The following SAMD3 variants were observed in gnomAD, a reference collection of about 807,000 sequenced individuals.
The protein encoded by SAMD3 is sterile alpha motif domain-containing protein 3.
A neutral mutation model predicts 58.5 loss-of-function variants in SAMD3; 63 were observed. The ratio of observed to expected loss-of-function variants is 1.08; its 90% CI spans 0.88 to 1.33. The LOEUF is 1.33. SAMD3 is among the 40% of genes most tolerant of loss of function. SAMD3 has a pLI of 0.00. For missense variants in SAMD3, 604 were observed against 608.4 expected, an observed-to-expected ratio of 0.99 and a Z score of 0.08; for synonymous variants, 220 against 210.3, an observed-to-expected ratio of 1.05 and a Z score of -0.40.
At chr6:130,193,411 C>T (rs938056511) in intron 5 of SAMD3, among the ~76,000 whole-genome samples, 8 of 151,940 alleles carry the variant, frequency 5.3e-5, no homozygotes, top group Non-Finnish European at 1.0e-4. Context: ...CGTGCCCTGA[C>T]CTCTTATCTC....
chr6:130,327,011 C>T lies in SAMD3; in HGVS notation c.-303-13918G>A, dbSNP rs193050436. On this transcript the variant is annotated intron_variant, in intron 1 of 13. Coordinates refer to the SAMD3 transcript ENST00000368134. ...GAACAAATAATTCCATTATAATTCACGTGATACTTTTTCTTTTCACAGGAA... is the reference window on the plus strand; with the variant it reads ...GAACAAATAATTCCATTATAATTCATGTGATACTTTTTCTTTTCACAGGAA... Among the ~76,000 whole-genome samples the T allele has an allele frequency of 6.6e-5, 10 of 152,240 alleles. No homozygotes were observed. In the East Asian group the frequency reaches 1.3e-3, roughly 21 times the overall value.
chr6:130,263,418 C>T lies in SAMD3; in HGVS notation c.-187-40605G>A, dbSNP rs577984577. ...TCAAAAGGTGGAAAGAAGAAAAACT[C>T]GAGCCAGCCTCAGAAGGACCCTACC... On this transcript the variant is annotated intron_variant, in intron 2 of 13. Transcript: ENST00000368134. 9.9e-5 allele frequency among the ~76,000 whole-genome samples: 15 copies of T among 152,194 alleles called. No homozygotes were observed. The East Asian group carries it at 2.1e-3, about 22-fold the overall frequency.
intron 1 of SAMD3, chr6:130,365,063 CTGCACAGGGGG>C: frequency 1.8e-6 from 1 of 546,890 alleles, no homozygotes; most frequent in Non-Finnish European, 2.3e-6. Context: ...TGCGGCTGGC[CTGCACAGGGGG>C]TGGTTGGAAT....
chr6:130,144,297 A>ACTC (rs201689104), downstream of SAMD3: 1 of 526,830 alleles, frequency 1.9e-6, no homozygotes, highest in Non-Finnish European at 3.2e-6. Flanking sequence ...CTAAAAACTC[A>ACTC]AAATAAATCG....
At chr6:130,313,981 A>T (rs952567301) in intron 1 of SAMD3, among the ~76,000 whole-genome samples, 6 of 152,068 alleles carry the variant, frequency 3.9e-5, no homozygotes, top group Non-Finnish European at 8.8e-5. Flanking sequence ...GTTCTTGTAG[A>T]TTTATGGCTT....
chr6:130,335,817 T>C (rs1215173738), intron 1 of SAMD3, among the ~76,000 whole-genome samples: 2 of 151,964 alleles, frequency 1.3e-5, no homozygotes, highest in African/African-American at 4.8e-5. Flanking sequence ...ATATGCACCA[T>C]GGAATACTAT....
intron 2 of SAMD3, among the ~76,000 whole-genome samples, chr6:130,236,543 C>T (rs1773155335): frequency 1.3e-5 from 2 of 152,184 alleles, no homozygotes; most frequent in South Asian, 2.1e-4. Flanking sequence ...ACCACCGCAC[C>T]CGGCTAATTT....
intron 1 of SAMD3, among the ~76,000 whole-genome samples, chr6:130,352,337 TA>T (rs1222831897): frequency 1.3e-5 from 2 of 152,170 alleles, no homozygotes; most frequent in Non-Finnish European, 2.9e-5. Context: ...CCATTAAAAT[TA>T]TTTCAGCAGT....
At chr6:130,234,928 C>T (rs1796641682) in intron 2 of SAMD3, among the ~76,000 whole-genome samples, 1 of 152,170 alleles carries the variant, frequency 6.6e-6, no homozygotes, top group African/African-American at 2.4e-5. Flanking sequence ...GTCTGGGCAA[C>T]ATAGGGAGAC....
intron 2 of SAMD3, among the ~76,000 whole-genome samples, chr6:130,280,371 C>A (rs1032697319): frequency 6.6e-5 from 10 of 152,186 alleles, no homozygotes; most frequent in African/African-American, 2.4e-4. Context: ...CCCAAACCTT[C>A]TTCCTGGTTC....
chr6:130,222,290 G>A (rs140974702), intron 1 of SAMD3, among the ~76,000 whole-genome samples: 269 of 152,274 alleles, frequency 1.8e-3, no homozygotes, highest in African/African-American at 6.2e-3. Context: ...GCAATGGTCC[G>A]AATAGCAAAT....
At chr6:130,320,096 TA>T (rs1445798060) in intron 1 of SAMD3, among the ~76,000 whole-genome samples, 1 of 151,620 alleles carries the variant, frequency 6.6e-6, no homozygotes, top group East Asian at 1.9e-4. Context: ...AAGAAGGCAG[TA>T]AAAGGAAAAA....
intron 2 of SAMD3, among the ~76,000 whole-genome samples, chr6:130,273,208 T>C (rs1435528770): frequency 6.6e-6 from 1 of 152,126 alleles, no homozygotes; most frequent in African/African-American, 2.4e-5. Context: ...TGCACACATA[T>C]TTATTATTGT....
intron 2 of SAMD3, chr6:130,215,970 C>T: frequency 1.5e-6 from 1 of 688,956 alleles, no homozygotes; most frequent in Admixed American, 2.6e-5. Context: ...TTTTTGGACA[C>T]TGTTATGATT....
chr6:130,176,173 G>A, intron 7 of SAMD3, 165 bp from the exon 8 acceptor site: 1 of 687,802 alleles, frequency 1.5e-6, no homozygotes, highest in Non-Finnish European at 2.6e-6. Context: ...TATCCTCACA[G>A]CAATCTTGTG....
chr6:130,229,188 A>G (rs1430449461), intron 2 of SAMD3, among the ~76,000 whole-genome samples: 1 of 152,224 alleles, frequency 6.6e-6, no homozygotes, highest in East Asian at 1.9e-4. Context: ...TCTCGTGCCC[A>G]AGCATGGCCC....
intron 1 of SAMD3, among the ~76,000 whole-genome samples, chr6:130,315,781 G>A (rs1241605411): frequency 6.6e-6 from 1 of 151,712 alleles, no homozygotes; most frequent in Non-Finnish European, 1.5e-5. Flanking sequence ...TAAATTATTG[G>A]TAAACAGTAA....
intron 2 of SAMD3, among the ~76,000 whole-genome samples, chr6:130,258,518 A>G (rs1015529386): frequency 9.9e-5 from 15 of 152,206 alleles, no homozygotes; most frequent in African/African-American, 3.6e-4. Context: ...AAAATCGGAC[A>G]CACATATTTA....
rs532847543 is a variant in SAMD3, at chr6:130,206,455, T to C, written c.383+3040A>G. 1.3e-3 allele frequency among the ~76,000 whole-genome samples: 198 copies of C among 152,316 alleles called. 1 individual carries two copies. Among genetic ancestry groups the C allele is most frequent in the Non-Finnish European group, 1.2e-3 (85 of 68,010 alleles). Reference sequence around the variant, plus strand: ...GAAAAGTAGGGACCACTTCACTCCCTGGCTTTCCAGCACCTGTGTCTTCAT... The same window carrying C: ...GAAAAGTAGGGACCACTTCACTCCCCGGCTTTCCAGCACCTGTGTCTTCAT... On this transcript the variant is annotated intron_variant, in intron 5 of 11. Coordinates refer to ENST00000439090, the MANE Select transcript of SAMD3 (RefSeq NM_001017373.4).
Sources: gnomAD v4.1 joint callset for allele counts (sites outside exome capture counted in the v4.1 genomes callset) on GRCh38, gnomAD v4.1.1 for gene constraint, MANE v1.5 for transcripts, NCBI Gene and HGNC (gene_info 2026-07-23, HGNC 2026-07-21) for gene names.